Variants in DPP6 observed in about 807,000 individuals in gnomAD.
DPP6 encodes dipeptidyl peptidase like 6, also known as A-type potassium channel modulatory protein DPP6.
A neutral mutation model predicts 122.6 loss-of-function variants in DPP6; 69 were observed. The observed-to-expected ratio is 0.56, with a 90% CI of 0.46 to 0.69. DPP6 has a LOEUF of 0.69. Among genes scored for constraint, DPP6 ranks in the 30% least tolerant of loss-of-function variants. DPP6 has a pLI of 0.00. For synonymous variants in DPP6, 418 were observed against 433.1 expected (o/e 0.97, Z 0.43); for missense variants, 928 against 1,116.9 (o/e 0.83, Z 2.41).
rs1585256364 is a variant in DPP6, at chr7:154,058,923, G to T, written c.243+5860G>T. 4 of 150,320 alleles carry T rather than the reference G, an allele frequency of 2.7e-5. No homozygotes were observed. The South Asian group carries it at 8.4e-4, about 32-fold the overall frequency. 9.3% of individuals were successfully genotyped at this position (150,320 alleles called of 1,614,324 possible). ...GAGAGCTATCCCCTCTTCCGCCCCTGGCTGTTAGTACCCCCATCGCAGGGT... is the reference window on the plus strand; with the variant it reads ...GAGAGCTATCCCCTCTTCCGCCCCTTGCTGTTAGTACCCCCATCGCAGGGT... On this transcript the variant is annotated intron_variant, in intron 1 of 25. Coordinates refer to ENST00000377770, the MANE Select transcript of DPP6 (RefSeq NM_130797.4).
chr7:153,876,413 C>T, the DPP6 span, among the ~76,000 whole-genome samples: 2 of 151,774 alleles, frequency 1.3e-5, no homozygotes, highest in African/African-American at 4.8e-5. Context: ...ATCACACACA[C>T]ACACACACAC....
intron 1 of DPP6, among the ~76,000 whole-genome samples, chr7:154,314,878 G>A (rs1807295322): frequency 6.6e-6 from 1 of 152,198 alleles, no homozygotes; most frequent in Admixed American, 6.5e-5. Context: ...ATATGAATGG[G>A]TTAACAAATT....
chr7:153,904,546 A>T (rs1799769456), intron 1 of DPP6, among the ~76,000 whole-genome samples: 1 of 152,142 alleles, frequency 6.6e-6, no homozygotes, highest in South Asian at 2.1e-4. Context: ...GAGCACTTTG[A>T]ATCTCACTTA....
chr7:154,352,376 T>G (rs1586027228), intron 1 of DPP6, among the ~76,000 whole-genome samples: 1 of 151,852 alleles, frequency 6.6e-6, no homozygotes, highest in Non-Finnish European at 1.5e-5. Context: ...GGCAGGAGAA[T>G]GGCCAGAACC....
chr7:154,729,109 G>A (rs539110153), intron 8 of DPP6, among the ~76,000 whole-genome samples: 19 of 152,324 alleles, frequency 1.2e-4, no homozygotes, highest in East Asian at 3.9e-4. Context: ...GGGGAAAGGC[G>A]TTGTCCAAGC....
intron 1 of DPP6, among the ~76,000 whole-genome samples, chr7:154,355,563 G>T (rs754059638): frequency 2.6e-5 from 4 of 152,248 alleles, no homozygotes; most frequent in Admixed American, 1.3e-4. Context: ...TAGGGGTCAT[G>T]ATTCATTTAT....
chr7:154,556,605 A>G (rs1391670048), intron 4 of DPP6, among the ~76,000 whole-genome samples: 1 of 152,218 alleles, frequency 6.6e-6, no homozygotes, highest in East Asian at 1.9e-4. Context: ...TCATAAAAAG[A>G]GAGAAATTTT....
In DPP6 at chr7:154,312,081, G is replaced by A. The variant is rs138986790; in HGVS notation, c.244-134133G>A. 2.3e-3 allele frequency among the ~76,000 whole-genome samples: 350 copies of A among 152,288 alleles called. 2 individuals carry two copies. Among genetic ancestry groups the A allele is most frequent in the African/African-American group, 6.8e-3 (284 of 41,544 alleles). ...GGAATAATGAAGGTGAGGTCACAGC[G>A]GGGACAGTCTTGGCACCCCTTAAAT... On this transcript the variant is annotated intron_variant, in intron 1 of 25. Transcript: ENST00000377770.
chr7:154,560,511 T>A (rs115543712), intron 4 of DPP6, among the ~76,000 whole-genome samples: 1,564 of 152,316 alleles, frequency 0.01, 26 homozygotes, highest in African/African-American at 0.034. Context: ...GAGGATTTTA[T>A]ATTTTGTTTA....
At chr7:154,113,475 C>A (rs1337573484) in intron 1 of DPP6, among the ~76,000 whole-genome samples, 1 of 151,990 alleles carries the variant, frequency 6.6e-6, no homozygotes. Context: ...TATATAATAG[C>A]AACCCTCATA....
At chr7:153,893,005 G>T (rs1338913066) in intron 1 of DPP6, among the ~76,000 whole-genome samples, 1 of 152,116 alleles carries the variant, frequency 6.6e-6, no homozygotes, top group African/African-American at 2.4e-5. Flanking sequence ...CCTCCTTGCA[G>T]GATTTATAGG....
intron 10 of DPP6, among the ~76,000 whole-genome samples, chr7:154,776,235 A>AG (rs60194446): frequency 1.5e-4 from 12 of 79,716 alleles, no homozygotes; most frequent in Non-Finnish European, 1.9e-4. Flanking sequence ...ATAGATAGAT[A>AG]AACAGATACA....
rs1000597268 is a variant in DPP6, at chr7:154,875,770, C to T, written c.1884-136C>T. On this transcript the variant is annotated intron_variant, in intron 19 of 25. Transcript: ENST00000377770. The surrounding 1 kb of genome is among the most constrained non-coding windows in gnomAD (Gnocchi z 4.5). ...GCTCACCTGCCCGGGGCAACAGAAT[C>T]TGGGGTATGGAGTTGAGCGTGTGGC... 1.9e-5 allele frequency: 24 copies of T among 1,290,892 alleles called. No homozygotes were observed. Among genetic ancestry groups the T allele is most frequent in the Non-Finnish European group, 2.5e-5 (24 of 956,040 alleles). The allele number at this position is 1,290,892 out of a possible 1,614,324, so 80.0% of individuals were successfully genotyped here. A position where few individuals can be genotyped will look rare whatever the true frequency, so the allele number is the denominator to read the frequency against.
intron 7 of DPP6, among the ~76,000 whole-genome samples, chr7:154,694,629 G>A (rs543391910): frequency 5.1e-4 from 78 of 152,114 alleles, no homozygotes; most frequent in Non-Finnish European, 6.2e-4. Context: ...AAAACCAGAA[G>A]GCATAGGAAT....
At chr7:154,213,361 C>T (rs1249396229) in intron 1 of DPP6, among the ~76,000 whole-genome samples, 1 of 152,156 alleles carries the variant, frequency 6.6e-6, no homozygotes, top group Non-Finnish European at 1.5e-5. Flanking sequence ...GTAGTCCAGG[C>T]CATGAAGGCT....
At chr7:154,426,176 A>T (rs1234372778) in intron 1 of DPP6, among the ~76,000 whole-genome samples, 1 of 152,176 alleles carries the variant, frequency 6.6e-6, no homozygotes. Context: ...CCAGCTCTTT[A>T]CCCAGCATAC....
intron 7 of DPP6, among the ~76,000 whole-genome samples, chr7:154,725,433 G>A (rs1452622450): frequency 6.6e-6 from 1 of 152,110 alleles, no homozygotes; most frequent in Admixed American, 6.5e-5. Context: ...ATTGTAGAGG[G>A]GAAGCAGGCA....
At chr7:154,546,213 C>T (rs1829175215) in intron 4 of DPP6, among the ~76,000 whole-genome samples, 1 of 152,140 alleles carries the variant, frequency 6.6e-6, no homozygotes, top group East Asian at 1.9e-4. Flanking sequence ...ATACAATATA[C>T]TAGGCTAACA....
chr7:154,430,091 T>C (rs1414776478), intron 1 of DPP6, among the ~76,000 whole-genome samples: 1 of 152,082 alleles, frequency 6.6e-6, no homozygotes, highest in Non-Finnish European at 1.5e-5. Flanking sequence ...GCTGTCAGAA[T>C]CTCAGGGTTT....
Sources: allele counts gnomAD v4.1 joint callset (sites outside exome capture counted in the v4.1 genomes callset), GRCh38; gene constraint gnomAD v4.1.1; non-coding constraint Gnocchi (gnomAD v3.1); transcripts MANE v1.5; gene names NCBI Gene and HGNC (gene_info 2026-07-23, HGNC 2026-07-21).